The following SRGAP2B variants were observed in gnomAD, a reference collection of about 807,000 sequenced individuals.
SRGAP2B encodes SLIT-ROBO Rho GTPase-activating protein 2B.
SRGAP2B carries 9 observed loss-of-function variants against 22.2 expected under a neutral mutation model. That is an observed-to-expected ratio of 0.41 (90% CI 0.24 to 0.71). The LOEUF (loss-of-function observed/expected upper bound fraction) is 0.71. Ranked by LOEUF, SRGAP2B falls within the 30% of genes least tolerant of loss-of-function variation. The pLI is 0.35. For missense variants in SRGAP2B, 114 were observed against 235.8 expected, an observed-to-expected ratio of 0.48 and a Z score of 3.38; for synonymous variants, 36 against 87.4, an observed-to-expected ratio of 0.41 and a Z score of 3.28.
chr1:145,073,202 G>A (rs587774017), intron 2 of SRGAP2B, among the ~76,000 whole-genome samples: 6 of 150,418 alleles, frequency 4.0e-5, no homozygotes, highest in East Asian at 1.9e-4. Flanking sequence ...TATTTGGCAC[G>A]TAAGAGGGGT....
At chr1:144,933,910 C>CT (rs1665407154) in intron 4 of SRGAP2B, among the ~76,000 whole-genome samples, 1 of 152,022 alleles carries the variant, frequency 6.6e-6, no homozygotes, top group African/African-American at 2.4e-5. Flanking sequence ...GGGGAAAGGG[C>CT]TAATGGAAGC....
chr1:145,044,387 G>A (rs1232163138), intron 2 of SRGAP2B, among the ~76,000 whole-genome samples: 1 of 127,580 alleles, frequency 7.8e-6, no homozygotes, highest in African/African-American at 3.1e-5. Context: ...AGCTCATTAC[G>A]ATATTCAGGA....
rs1664193058 is a variant in SRGAP2B, at chr1:144,920,849, C to T, written c.424-6095G>A. ...GAAAATAGTGGTTTAAGGACTGGAG[C>T]CCACTAACTTAGTTAGACAGGAGCT... is the stretch of plus-strand genomic sequence containing the variant. On this transcript the variant is annotated intron_variant, in intron 4 of 9. Coordinates refer to ENST00000612199, the Ensembl canonical transcript of SRGAP2B. Among the ~76,000 whole-genome samples, 2 of 150,594 alleles carry T rather than the reference C, an allele frequency of 1.3e-5. 1 individual carries two copies. The highest frequency in any genetic ancestry group is 5.0e-5 in the African/African-American group (2 of 40,140).
intron 2 of SRGAP2B, among the ~76,000 whole-genome samples, chr1:145,022,420 G>C (rs1354873027): frequency 3.3e-5 from 4 of 121,872 alleles, no homozygotes; most frequent in Non-Finnish European, 4.9e-5. Context: ...CACATCTAAG[G>C]CTCTCGGCAA....
chr1:144,952,542 C>A (rs1310669866), intron 4 of SRGAP2B, among the ~76,000 whole-genome samples: 4 of 150,224 alleles, frequency 2.7e-5, no homozygotes, highest in African/African-American at 1.0e-4. Context: ...CTCTGTTGCC[C>A]AGGCTGGAGT....
At chr1:145,020,374 C>T (rs1672708762) in intron 2 of SRGAP2B, among the ~76,000 whole-genome samples, 1 of 123,198 alleles carries the variant, frequency 8.1e-6, no homozygotes, top group South Asian at 2.8e-4. Flanking sequence ...CTGCAATGAG[C>T]TATCATGGTG....
In SRGAP2B at chr1:144,965,166, G is replaced by A. The variant is rs2993871; in HGVS notation, c.261-9565C>T. The A allele has an allele frequency of 6.3e-6, 7 of 1,112,114 alleles. 1 individual carries two copies. The highest frequency in any genetic ancestry group is 1.3e-5 in the South Asian group (1 of 79,230). 68.9% of individuals were successfully genotyped at this position (1,112,114 alleles called of 1,614,324 possible). ...ATTCAGTGTAGGGGGGAGGAGCCAAGATGGCCGAATAGGAACAGCTCCGGT... is the reference window on the plus strand; with the variant it reads ...ATTCAGTGTAGGGGGGAGGAGCCAAAATGGCCGAATAGGAACAGCTCCGGT... On this transcript the variant is annotated intron_variant, in intron 3 of 9. Transcript: ENST00000612199.
intron 2 of SRGAP2B, among the ~76,000 whole-genome samples, chr1:145,024,908 C>A (rs1553624738): frequency 1.3e-5 from 2 of 148,492 alleles, no homozygotes. Flanking sequence ...AGCTCCTGGT[C>A]CCACAACGTC....
rs1291616939 is a variant in SRGAP2B, at chr1:144,988,303, C to CA, written c.260+6704dup. ...CATATGAAATTGCCATTTTGCCTTACAAAAAAAACCAGCAATTTCATATGT... is the reference window on the plus strand; with the variant it reads ...CATATGAAATTGCCATTTTGCCTTACAAAAAAAAACCAGCAATTTCATATGT... On this transcript the variant is annotated intron_variant, in intron 3 of 9. Coordinates refer to ENST00000612199, the Ensembl canonical transcript of SRGAP2B. Among the ~76,000 whole-genome samples, 327 of 125,306 alleles carry CA rather than the reference C, an allele frequency of 2.6e-3. 4 individuals are homozygous for CA. The highest frequency in any genetic ancestry group is 9.1e-3 in the African/African-American group (274 of 30,152). The allele number at this position is 125,306 out of a possible 152,430, so 82.2% of individuals were successfully genotyped here.
chr1:145,064,622 G>C (rs1241207676), intron 2 of SRGAP2B, among the ~76,000 whole-genome samples: 1 of 148,004 alleles, frequency 6.8e-6, no homozygotes, highest in Non-Finnish European at 1.5e-5. Context: ...AATACCATAG[G>C]GCCCAAGATT....
At chr1:144,959,342 ATCT>A (rs1396231816) in intron 3 of SRGAP2B, among the ~76,000 whole-genome samples, 2 of 146,922 alleles carry the variant, frequency 1.4e-5, no homozygotes, top group Non-Finnish European at 3.0e-5. Flanking sequence ...AAACAAAAAT[ATCT>A]TCTTTTTTCC....
intron 4 of SRGAP2B, among the ~76,000 whole-genome samples, chr1:144,929,285 TCAAA>T (rs1178799903): frequency 1.4e-5 from 2 of 146,698 alleles, no homozygotes; most frequent in Non-Finnish European, 3.0e-5. Flanking sequence ...CAGTGTCCTC[TCAAA>T]CACAGAGGTT....
chr1:145,068,202 C>CAAAA (rs75504567), intron 2 of SRGAP2B, among the ~76,000 whole-genome samples: 3 of 15,598 alleles, frequency 1.9e-4, no homozygotes, highest in Non-Finnish European at 2.9e-4. Flanking sequence ...GACTCCGTCT[C>CAAAA]AAAAAAAAAA....
intron 4 of SRGAP2B, among the ~76,000 whole-genome samples, chr1:144,927,240 G>A (rs1294213361): frequency 1.3e-5 from 2 of 149,272 alleles, no homozygotes; most frequent in Admixed American, 6.7e-5. Flanking sequence ...ATGAGCCACC[G>A]TGCCCGGCCA....
intron 2 of SRGAP2B, among the ~76,000 whole-genome samples, chr1:145,075,872 G>A (rs1342481119): frequency 6.7e-6 from 1 of 149,408 alleles, no homozygotes; most frequent in Non-Finnish European, 1.5e-5. Flanking sequence ...AAGATCACTT[G>A]AGGTCAGGAG....
chr1:144,932,517 G>A (rs1287565618), intron 4 of SRGAP2B, among the ~76,000 whole-genome samples: 1 of 150,320 alleles, frequency 6.7e-6, no homozygotes, highest in Non-Finnish European at 1.5e-5. Context: ...CCAAGCCAGA[G>A]CATGCAGACC....
chr1:144,984,819 G>A (rs1206353213), intron 3 of SRGAP2B, among the ~76,000 whole-genome samples: 1 of 150,784 alleles, frequency 6.6e-6, no homozygotes, highest in Non-Finnish European at 1.5e-5. Context: ...GGTTTCCAGT[G>A]TCTATTGCAT....
chr1:144,975,190 AG>A (rs1668806118), intron 3 of SRGAP2B, among the ~76,000 whole-genome samples: 1 of 149,470 alleles, frequency 6.7e-6, no homozygotes, highest in South Asian at 2.1e-4. Context: ...TTTGGCAGTG[AG>A]AAATGTCAAG....
chr1:144,941,464 T>C (rs1666039335), intron 4 of SRGAP2B, among the ~76,000 whole-genome samples: 1 of 145,836 alleles, frequency 6.9e-6, no homozygotes, highest in East Asian at 2.0e-4. Context: ...AAGCTGGATG[T>C]AGACCCAAAT....
Sources: gnomAD v4.1 joint callset for allele counts (sites outside exome capture counted in the v4.1 genomes callset) on GRCh38, gnomAD v4.1.1 for gene constraint, MANE v1.5 for transcripts, NCBI Gene and HGNC (gene_info 2026-07-23, HGNC 2026-07-21) for gene names.